The following CAMK2B variants were observed in gnomAD, a reference collection of about 807,000 sequenced individuals.
CAMK2B encodes calcium/calmodulin dependent protein kinase II beta, also known as calcium/calmodulin-dependent protein kinase type II subunit beta.
A neutral mutation model predicts 93.7 loss-of-function variants in CAMK2B; 27 were observed. The observed-to-expected ratio is 0.29, with a 90% confidence interval of 0.21 to 0.40. The LOEUF (loss-of-function observed/expected upper bound fraction) is 0.40. Among genes scored for constraint, CAMK2B ranks in the 10% least tolerant of loss-of-function variants. The pLI, the probability that CAMK2B is intolerant of heterozygous loss-of-function variation, is 1.00. For synonymous variants in CAMK2B, 374 were observed against 358.8 expected (o/e 1.04, Z -0.48); for missense variants, 568 against 895.8 (o/e 0.63, Z 4.67).
At position 44,307,925 on chromosome 7, in the gene CAMK2B, G is replaced by C. The variant is rs1364716390; in HGVS notation, c.65+17432C>G. Among the ~76,000 whole-genome samples the C allele has an allele frequency of 4.6e-5, 7 of 152,072 alleles. No individual in the cohort carries two copies. The East Asian group carries it at 1.3e-3, about 29-fold the overall frequency. ...CTGTCACCCAGGCTGGAGTGCAGTGGTGTGACTGCAGCTCACTGCAGCCTT... is the reference window on the plus strand; with the variant it reads ...CTGTCACCCAGGCTGGAGTGCAGTGCTGTGACTGCAGCTCACTGCAGCCTT... On this transcript the variant is annotated intron_variant, in intron 1 of 23. Transcript: ENST00000395749.
chr7:44,310,308 A>C (rs1793191859), intron 1 of CAMK2B, among the ~76,000 whole-genome samples: 1 of 152,232 alleles, frequency 6.6e-6, no homozygotes, highest in Non-Finnish European at 1.5e-5. Context: ...CTTTGGGGCA[A>C]GTCTCAGAAG....
chr7:44,302,184 T>G (rs1790242380), intron 1 of CAMK2B, among the ~76,000 whole-genome samples: 2 of 152,162 alleles, frequency 1.3e-5, no homozygotes, highest in Non-Finnish European at 2.9e-5. Context: ...GACACAATCC[T>G]CTAAAACTCA....
intron 1 of CAMK2B, among the ~76,000 whole-genome samples, chr7:44,295,931 C>T (rs769208738): frequency 2.6e-5 from 4 of 152,096 alleles, no homozygotes; most frequent in Non-Finnish European, 4.4e-5. Flanking sequence ...GGCACAGGCT[C>T]GCTAAAATAC....
intron 1 of CAMK2B, among the ~76,000 whole-genome samples, chr7:44,319,569 T>A (rs571577967): frequency 6.6e-6 from 1 of 152,314 alleles, no homozygotes; most frequent in South Asian, 2.1e-4. Context: ...CCTGTGGCCT[T>A]TGACCGCGGC....
intron 18 of CAMK2B, 175 bp downstream of exon 18, chr7:44,229,213 G>C: frequency 1.6e-6 from 1 of 609,928 alleles, no homozygotes; most frequent in Non-Finnish European, 3.0e-6. Context: ...TCCTCACAAA[G>C]AGGTGGGGCT....
At chr7:44,237,881 G>T (rs79349916) in intron 13 of CAMK2B, among the ~76,000 whole-genome samples, 1 of 152,100 alleles carries the variant, frequency 6.6e-6, no homozygotes, top group Non-Finnish European at 1.5e-5. Context: ...TCTCCAGGCC[G>T]GGGCAACTGC....
Position 44,217,649 on chromosome 7 carries a change from G to T in CAMK2B, c.*1876C>A, listed in dbSNP as rs944865244. ...CTGGGCACAGCGTGGACGGAAGATG[G>T]TGTCCACTCTGAGTGTTCATCGGTG... On this transcript the variant is annotated 3_prime_UTR_variant, in exon 24 of 24. Transcript: ENST00000395749. 3 of 152,308 alleles carry T rather than the reference G, an allele frequency of 2.0e-5. No individual in the cohort carries two copies. The highest frequency in any genetic ancestry group is 4.8e-5 in the African/African-American group (2 of 41,458). The allele number at this position is 152,308 out of a possible 1,614,324, so 9.4% of individuals were successfully genotyped here.
chr7:44,323,640 T>C (rs1458252315), intron 1 of CAMK2B, among the ~76,000 whole-genome samples: 1 of 152,136 alleles, frequency 6.6e-6, no homozygotes, highest in Non-Finnish European at 1.5e-5. Context: ...TGGGTGCACA[T>C]GGGGAGGTCT....
rs1188451611 is a variant in CAMK2B at position 44,248,148 on chromosome 7, G to C, written c.342-956C>G. On this transcript the variant is annotated intron_variant, in intron 5 of 23. Coordinates refer to ENST00000395749, the MANE Select transcript of CAMK2B (RefSeq NM_001220.5). This position sits in a 1 kb window ranked among gnomAD's most constrained non-coding sequence, Gnocchi z 4.1. The stretch of plus-strand genomic sequence containing the variant: ...AGTTCAGCTCCCAGGGATCTGAGGG[G>C]CTGGGCAGGGGGCTGTGTGTGCACA... Among the ~76,000 whole-genome samples, 1 of 152,062 alleles carries C rather than the reference G, an allele frequency of 6.6e-6. No homozygotes were observed. Among genetic ancestry groups the C allele is most frequent in the Non-Finnish European group, 1.5e-5 (1 of 67,990 alleles).
intron 6 of CAMK2B, among the ~76,000 whole-genome samples, chr7:44,244,312 G>C (rs1486437568): frequency 1.3e-5 from 2 of 152,186 alleles, no homozygotes; most frequent in Admixed American, 6.5e-5. Context: ...AAGGAGGCCT[G>C]GGGGCACTTG....
At chr7:44,221,338 G>A (rs561593980) in intron 20 of CAMK2B, among the ~76,000 whole-genome samples, 17 of 152,232 alleles carry the variant, frequency 1.1e-4, no homozygotes, top group South Asian at 4.1e-4. Flanking sequence ...CTCTCCTCCC[G>A]AGCCTTGGGT....
At chr7:44,295,685 G>A (rs75833818) in intron 1 of CAMK2B, among the ~76,000 whole-genome samples, 5,780 of 152,304 alleles carry the variant, frequency 0.038, 113 homozygotes, top group Middle Eastern at 0.1. Flanking sequence ...CTGGCAGGGG[G>A]AGGAGAAAAA....
At position 44,241,724 on chromosome 7, in the gene CAMK2B, C is replaced by A; in HGVS notation, c.879G>T (p.Lys293Asn). The A allele has an allele frequency of 6.2e-7, 1 of 1,613,846 alleles. No homozygotes were observed. The highest frequency in any genetic ancestry group is 8.5e-7 in the Non-Finnish European group (1 of 1,179,826). Residue 293 changes from lysine (K) to asparagine (N), a missense_variant, in exon 11 of 24, where the codon AAG (lysine) becomes AAT (asparagine). Lys to Asn is a moderately conservative substitution (Grantham distance 94, BLOSUM62 0). Coordinates refer to ENST00000395749, the MANE Select transcript of CAMK2B (RefSeq NM_001220.5). ...HRQETVECLK[K>N]FNARRKLKGA... ...CCTTGAGCTTTCTCCTGGCATTGAA[C>A]TTTTTCAGACACTCCACAGTCTCCT...
intron 1 of CAMK2B, among the ~76,000 whole-genome samples, chr7:44,303,670 C>G (rs1449049802): frequency 1.3e-5 from 2 of 152,132 alleles, no homozygotes; most frequent in African/African-American, 4.8e-5. Flanking sequence ...CATAGAAAAT[C>G]TGGATGACTT....
chr7:44,279,086 T>C (rs2097079539), intron 2 of CAMK2B, among the ~76,000 whole-genome samples: 1 of 152,186 alleles, frequency 6.6e-6, no homozygotes, highest in African/African-American at 2.4e-5. Flanking sequence ...ACAGGCTGCA[T>C]ATGAGATGGT....
intron 1 of CAMK2B, among the ~76,000 whole-genome samples, chr7:44,303,247 A>T (rs969567964): frequency 3.3e-5 from 5 of 152,226 alleles, no homozygotes; most frequent in Admixed American, 6.5e-5. Context: ...ATGAAAAAAT[A>T]TCAAAGAAGA....
chr7:44,294,111 A>C (rs1379416214), intron 1 of CAMK2B, among the ~76,000 whole-genome samples: 1 of 152,136 alleles, frequency 6.6e-6, no homozygotes, highest in Non-Finnish European at 1.5e-5. Context: ...CTTCCCGCCC[A>C]GCATCCCACA....
intron 1 of CAMK2B, among the ~76,000 whole-genome samples, chr7:44,301,208 G>A (rs1789912857): frequency 6.6e-6 from 1 of 152,190 alleles, no homozygotes; most frequent in Non-Finnish European, 1.5e-5. Flanking sequence ...GCCCACCGCA[G>A]CCTTGAACTC....
intron 2 of CAMK2B, among the ~76,000 whole-genome samples, chr7:44,270,077 C>T (rs557821264): frequency 1.3e-5 from 2 of 151,820 alleles, no homozygotes; most frequent in Admixed American, 6.6e-5. Flanking sequence ...AGAACGTACC[C>T]CCCCCCCATT....
Sources: allele counts gnomAD v4.1 joint callset (sites outside exome capture counted in the v4.1 genomes callset), GRCh38; gene constraint gnomAD v4.1.1; non-coding constraint Gnocchi (gnomAD v3.1); transcripts MANE v1.5; gene names NCBI Gene and HGNC (gene_info 2026-07-23, HGNC 2026-07-21).